KCNIP1: variants seen among roughly 807,000 people sequenced by gnomAD.
KCNIP1 encodes potassium voltage-gated channel interacting protein 1.
KCNIP1 carries 18 observed loss-of-function variants against 33.0 expected under a neutral mutation model. The observed-to-expected ratio is 0.55, with a 90% CI of 0.38 to 0.81. The LOEUF (loss-of-function observed/expected upper bound fraction) is 0.81. Ranked by LOEUF, KCNIP1 falls within the 30% of genes least tolerant of loss-of-function variation. The probability of loss-of-function intolerance (pLI) is 0.00; values close to 1 mark genes in which losing one functional copy is unlikely to be tolerated. For missense variants in KCNIP1, 238 were observed against 271.6 expected, an observed-to-expected ratio of 0.88 and a Z score of 0.87; for synonymous variants, 93 against 98.3, an observed-to-expected ratio of 0.95 and a Z score of 0.32.
chr5:170,674,894 C>T (rs1762068425), intron 1 of KCNIP1, among the ~76,000 whole-genome samples: 1 of 152,018 alleles, frequency 6.6e-6, no homozygotes, highest in South Asian at 2.1e-4. Flanking sequence ...CCACAAGGTG[C>T]TGCTTAAAGC....
At chr5:170,570,559 A>G (rs1340198401) in intron 1 of KCNIP1, among the ~76,000 whole-genome samples, 1 of 152,214 alleles carries the variant, frequency 6.6e-6, no homozygotes, top group Non-Finnish European at 1.5e-5. Context: ...CTTATCAAAT[A>G]TTAAAAGCTG....
Position 170,504,649 on chromosome 5 carries a change from C to T in KCNIP1, c.61+16C>T. 6.2e-7 allele frequency: 1 copy of T among 1,607,424 alleles called. No individual in the cohort carries two copies. Among genetic ancestry groups the T allele is most frequent in the Non-Finnish European group, 8.5e-7 (1 of 1,174,176 alleles). ...CCCTCGAAAGGTAAGCCACCTTCTT[C>T]CTTTTGTTCCCCTGTCTGGGCTTGG... On this transcript the variant is annotated intron_variant, in intron 1 of 7. Transcript: ENST00000328939. The surrounding 1 kb of genome is among the most constrained non-coding windows in gnomAD (Gnocchi z 6.0).
At chr5:170,469,966 C>CTATCT (rs1756687667) in intron 1 of KCNIP1, among the ~76,000 whole-genome samples, 1 of 152,154 alleles carries the variant, frequency 6.6e-6, no homozygotes. Flanking sequence ...CAGAGGTTCA[C>CTATCT]GTATTTCCTG....
intron 1 of KCNIP1, among the ~76,000 whole-genome samples, chr5:170,457,349 A>G (rs182689429): frequency 6.6e-6 from 1 of 152,368 alleles, no homozygotes; most frequent in Non-Finnish European, 1.5e-5. Context: ...CAGGAAGAGT[A>G]CGGAGAGGCC....
At chr5:170,393,625 G>A (rs80001083) in intron 1 of KCNIP1, among the ~76,000 whole-genome samples, 63 of 152,330 alleles carry the variant, frequency 4.1e-4, no homozygotes, top group African/African-American at 1.5e-3. Context: ...AGGAAATAAC[G>A]GTGGGAGGTT....
At chr5:170,474,286 A>G (rs1756801790) in intron 1 of KCNIP1, among the ~76,000 whole-genome samples, 1 of 152,122 alleles carries the variant, frequency 6.6e-6, no homozygotes, top group African/African-American at 2.4e-5. Context: ...CATCTCCGAG[A>G]AACCCAAAGC....
chr5:170,372,560 C>T (rs901741262), intron 1 of KCNIP1, among the ~76,000 whole-genome samples: 23 of 151,970 alleles, frequency 1.5e-4, no homozygotes, highest in African/African-American at 5.1e-4. Context: ...ATTTACAGGC[C>T]CACCAAGAGT....
At chr5:170,732,953 G>A (rs2113898668) in intron 6 of KCNIP1, 49 bp downstream of exon 6, 2 of 1,130,660 alleles carry the variant, frequency 1.8e-6, no homozygotes, top group Non-Finnish European at 2.7e-6. Context: ...CCTAGATCAA[G>A]TCAACCCACG....
At chr5:170,417,530 C>A (rs1190944166) in intron 1 of KCNIP1, among the ~76,000 whole-genome samples, 2 of 152,200 alleles carry the variant, frequency 1.3e-5, no homozygotes, top group African/African-American at 2.4e-5. Flanking sequence ...TTCACCTGGT[C>A]CCTTCTGCGT....
At chr5:170,384,490 G>A (rs546301663) in intron 1 of KCNIP1, among the ~76,000 whole-genome samples, 45 of 152,332 alleles carry the variant, frequency 3.0e-4, no homozygotes, top group African/African-American at 1.1e-3. Flanking sequence ...TCGCTTCAGC[G>A]TTGTGAAGAG....
chr5:170,599,365 C>G (rs925114277), intron 1 of KCNIP1, among the ~76,000 whole-genome samples: 1 of 152,142 alleles, frequency 6.6e-6, no homozygotes, highest in African/African-American at 2.4e-5. Context: ...ACTCCTCACT[C>G]CCCGAGGAAT....
intron 1 of KCNIP1, among the ~76,000 whole-genome samples, chr5:170,463,998 C>T (rs1756558568): frequency 6.6e-6 from 1 of 151,988 alleles, no homozygotes; most frequent in South Asian, 2.1e-4. Context: ...TTCCTATACA[C>T]TAGTAATGAA....
intron 1 of KCNIP1, among the ~76,000 whole-genome samples, chr5:170,693,892 T>C (rs1013803494): frequency 1.1e-4 from 17 of 152,210 alleles, no homozygotes; most frequent in Admixed American, 1.1e-3. Flanking sequence ...GGCAGTTCTG[T>C]GCTGCCGGCC....
intron 1 of KCNIP1, among the ~76,000 whole-genome samples, chr5:170,484,481 T>G (rs926114003): frequency 6.6e-6 from 1 of 152,166 alleles, no homozygotes; most frequent in Non-Finnish European, 1.5e-5. Flanking sequence ...AAGAGCCTGG[T>G]GGCTGCCGGG....
chr5:170,661,139 G>A (rs556287960), intron 1 of KCNIP1, among the ~76,000 whole-genome samples: 4 of 152,352 alleles, frequency 2.6e-5, no homozygotes, highest in Non-Finnish European at 4.4e-5. Flanking sequence ...CCCAGGTGGA[G>A]AGGTTGAGGA....
intron 1 of KCNIP1, chr5:170,385,505 GC>G (rs1764431893): frequency 1.9e-6 from 3 of 1,600,374 alleles, no homozygotes; most frequent in Non-Finnish European, 2.6e-6. Context: ...AGTGAGATCA[GC>G]CCAGTTCACA....
chr5:170,431,886 C>T (rs1755749295), intron 1 of KCNIP1, among the ~76,000 whole-genome samples: 1 of 152,362 alleles, frequency 6.6e-6, no homozygotes, highest in Admixed American at 6.5e-5. Context: ...TCTCCACTGA[C>T]ACCTGCCTCT....
At chr5:170,587,421 C>CAAAAAAAAAAAAAAAAAAAAAAAAAAAA (rs56358014) in intron 1 of KCNIP1, among the ~76,000 whole-genome samples, 1 of 70,348 alleles carries the variant, frequency 1.4e-5, no homozygotes, top group Non-Finnish European at 2.7e-5. Flanking sequence ...GACTCTGTCT[C>CAAAAAAAAAAAAAAAAAAAAAAAAAAAA]AAAAAAAAAA....
intron 1 of KCNIP1, among the ~76,000 whole-genome samples, chr5:170,480,094 G>C (rs1279282083): frequency 6.6e-6 from 1 of 152,102 alleles, no homozygotes; most frequent in Non-Finnish European, 1.5e-5. Flanking sequence ...AAATATATAT[G>C]CACACTTACC....
Sources: allele counts gnomAD v4.1 joint callset (sites outside exome capture counted in the v4.1 genomes callset), GRCh38; gene constraint gnomAD v4.1.1; non-coding constraint Gnocchi (gnomAD v3.1); transcripts MANE v1.5; gene names NCBI Gene and HGNC (gene_info 2026-07-23, HGNC 2026-07-21).